L3MBTL4: variants seen among roughly 807,000 people sequenced by gnomAD.
The protein encoded by L3MBTL4 is lethal(3)malignant brain tumor-like protein 4.
In L3MBTL4, 70 loss-of-function variants were observed where a neutral mutation model predicts 84.5. The ratio of observed to expected loss-of-function variants is 0.83; its 90% CI spans 0.68 to 1.01. The LOEUF (loss-of-function observed/expected upper bound fraction) is 1.01, where lower values mean the gene tolerates loss of function less well. Among genes scored for constraint, L3MBTL4 ranks in the 50% least tolerant of loss-of-function variants. The pLI, the probability that L3MBTL4 is intolerant of heterozygous loss-of-function variation, is 0.00. For synonymous variants in L3MBTL4, 274 were observed against 259.8 expected, an observed-to-expected ratio of 1.05 and a Z score of -0.52; for missense variants, 715 against 754.8, an observed-to-expected ratio of 0.95 and a Z score of 0.62.
At chr18:6,388,514 C>A (rs2054915385) in intron 1 of L3MBTL4, among the ~76,000 whole-genome samples, 1 of 151,950 alleles carries the variant, frequency 6.6e-6, no homozygotes, top group Non-Finnish European at 1.5e-5. Context: ...CAGAAAACTA[C>A]CAGGTGAGAA....
rs59413128 is a variant in L3MBTL4, at chr18:5,995,188, C to G, written c.1445-25626G>C. ...TCTGTGCTTTCCACAGCGGCGACCACGCCATGCAGGGATACTGCAAGGTAA... is the reference window on the plus strand; with the variant it reads ...TCTGTGCTTTCCACAGCGGCGACCAGGCCATGCAGGGATACTGCAAGGTAA... On this transcript the variant is annotated intron_variant, in intron 16 of 18. Transcript: ENST00000317931. Among the ~76,000 whole-genome samples, 621 of 152,352 alleles carry G rather than the reference C, an allele frequency of 4.1e-3. 4 individuals are homozygous for G. The highest frequency in any genetic ancestry group is 0.014 in the African/African-American group (590 of 41,576).
At chr18:6,058,150 C>T (rs1023563224) in intron 16 of L3MBTL4, among the ~76,000 whole-genome samples, 1 of 152,192 alleles carries the variant, frequency 6.6e-6, no homozygotes, top group Non-Finnish European at 1.5e-5. Context: ...TCTCCTTAGA[C>T]ATAAGGTGCT....
At position 6,316,873 on chromosome 18, in the gene L3MBTL4, T is replaced by A. The variant is rs1393072230; in HGVS notation, c.-90-4817A>T. 3.3e-5 allele frequency among the ~76,000 whole-genome samples: 5 copies of A among 152,148 alleles called. No homozygotes were observed. The East Asian group carries it at 7.7e-4, about 23-fold the overall frequency. Reference sequence around the variant, plus strand: ...AGCCACCTCTGTCAGGGCTGGGACATCTGCCCACTATTGGGTACTGCATTT... The same window carrying A: ...AGCCACCTCTGTCAGGGCTGGGACAACTGCCCACTATTGGGTACTGCATTT... On this transcript the variant is annotated intron_variant, in intron 1 of 18. Coordinates refer to ENST00000317931, the MANE Select transcript of L3MBTL4 (RefSeq NM_001330559.2).
At chr18:6,348,615 A>C (rs774268917) in intron 1 of L3MBTL4, among the ~76,000 whole-genome samples, 2 of 152,200 alleles carry the variant, frequency 1.3e-5, no homozygotes, top group Admixed American at 6.5e-5. Context: ...AGAAAAAAAC[A>C]AAACTGGCAA....
At chr18:6,386,623 G>A (rs1190206691) in intron 1 of L3MBTL4, among the ~76,000 whole-genome samples, 3 of 152,154 alleles carry the variant, frequency 2.0e-5, no homozygotes, top group African/African-American at 7.2e-5. Flanking sequence ...ATCTGAACAC[G>A]AAGCAATGAG....
intron 3 of L3MBTL4, among the ~76,000 whole-genome samples, chr18:6,305,683 C>CTA (rs2050552947): frequency 6.6e-6 from 1 of 152,152 alleles, no homozygotes; most frequent in Admixed American, 6.5e-5. Flanking sequence ...TAAGTCTTTG[C>CTA]TATGGTACAT....
intron 13 of L3MBTL4, among the ~76,000 whole-genome samples, chr18:6,148,376 GA>G (rs1420114085): frequency 1.3e-5 from 2 of 152,154 alleles, no homozygotes; most frequent in African/African-American, 4.8e-5. Flanking sequence ...TTGATCTACA[GA>G]AGGGATAAAA....
chr18:5,972,557 C>T (rs747332567), intron 16 of L3MBTL4, among the ~76,000 whole-genome samples: 4 of 152,132 alleles, frequency 2.6e-5, no homozygotes, highest in Non-Finnish European at 4.4e-5. Flanking sequence ...GAAAGGGAAG[C>T]GGCCTGATTC....
chr18:6,397,164 G>A (rs1011934899), intron 1 of L3MBTL4: 1 of 152,212 alleles, frequency 6.6e-6, no homozygotes, highest in Non-Finnish European at 1.5e-5. Context: ...CCAAAGCACA[G>A]AGCGTGCATG....
intron 5 of L3MBTL4, among the ~76,000 whole-genome samples, chr18:6,262,119 G>A (rs934486546): frequency 4.6e-5 from 7 of 152,074 alleles, no homozygotes; most frequent in South Asian, 4.2e-4. Flanking sequence ...CCTTGACCCC[G>A]CTACCTCTGC....
intron 10 of L3MBTL4, among the ~76,000 whole-genome samples, chr18:6,228,982 GTAACTAT>G (rs1167429318): frequency 6.6e-6 from 1 of 152,092 alleles, no homozygotes; most frequent in African/African-American, 2.4e-5. Context: ...AGGCAAATAG[GTAACTAT>G]TAACTCCAGG....
At chr18:6,240,797 C>G (rs2047419152) in intron 8 of L3MBTL4, among the ~76,000 whole-genome samples, 1 of 152,202 alleles carries the variant, frequency 6.6e-6, no homozygotes, top group Non-Finnish European at 1.5e-5. Flanking sequence ...CAGTGAGTGG[C>G]CTGCACAGTG....
At chr18:6,077,435 G>A (rs535423928) in intron 16 of L3MBTL4, among the ~76,000 whole-genome samples, 41 of 152,028 alleles carry the variant, frequency 2.7e-4, no homozygotes, top group Admixed American at 5.9e-4. Flanking sequence ...ATATTATTGC[G>A]ATATATGTTT....
In L3MBTL4 at chr18:6,258,289, C is replaced by T. The variant is rs187709919; in HGVS notation, c.219+5658G>A. Among the ~76,000 whole-genome samples the T allele has an allele frequency of 1.2e-4, 18 of 152,318 alleles. No individual in the cohort carries two copies. The South Asian group carries it at 2.5e-3, about 21-fold the overall frequency. ...GAAGGACGGCCAGACAATGCCTGCA[C>T]GCTGAGGCTGTGCATCTGCAGGGCC... On this transcript the variant is annotated intron_variant, in intron 5 of 18. Coordinates refer to ENST00000317931, the MANE Select transcript of L3MBTL4 (RefSeq NM_001330559.2).
intron 16 of L3MBTL4, among the ~76,000 whole-genome samples, chr18:6,060,681 T>C (rs1256297023): frequency 1.3e-5 from 2 of 152,188 alleles, no homozygotes; most frequent in Admixed American, 6.6e-5. Flanking sequence ...GTATCCACTA[T>C]TGTCTTTTTG....
intron 1 of L3MBTL4, among the ~76,000 whole-genome samples, chr18:6,318,042 C>A (rs2051199093): frequency 6.6e-6 from 1 of 152,046 alleles, no homozygotes; most frequent in Non-Finnish European, 1.5e-5. Context: ...CATTTTCAGA[C>A]AAACAAATGC....
chr18:6,082,720 A>G (rs2058121076), intron 15 of L3MBTL4, among the ~76,000 whole-genome samples: 1 of 152,230 alleles, frequency 6.6e-6, no homozygotes, highest in Non-Finnish European at 1.5e-5. Flanking sequence ...ATTTTAAAAA[A>G]CATTTTAAAA....
chr18:6,392,125 A>G (rs2055081155), intron 1 of L3MBTL4, among the ~76,000 whole-genome samples: 1 of 152,228 alleles, frequency 6.6e-6, no homozygotes, highest in African/African-American at 2.4e-5. Context: ...CAGTTACCAA[A>G]ACAGCATGGT....
At chr18:5,963,154 C>A (rs947406306) in intron 17 of L3MBTL4, among the ~76,000 whole-genome samples, 37 of 152,236 alleles carry the variant, frequency 2.4e-4, no homozygotes, top group African/African-American at 7.7e-4. Context: ...CAAGTCAGCA[C>A]AGGGACAGTG....
Sources: gnomAD v4.1 joint callset for allele counts (sites outside exome capture counted in the v4.1 genomes callset) on GRCh38, gnomAD v4.1.1 for gene constraint, MANE v1.5 for transcripts, NCBI Gene and HGNC (gene_info 2026-07-23, HGNC 2026-07-21) for gene names.